The following CSMD1 variants were observed in gnomAD, a reference collection of about 807,000 sequenced individuals.
CSMD1 encodes the protein CUB and sushi domain-containing protein 1.
Under a neutral mutation model 417.5 loss-of-function variants are expected in CSMD1, and 213 were observed. That is an observed-to-expected ratio of 0.51 (90% CI 0.46 to 0.57). The LOEUF is 0.57. CSMD1 is among the 20% of genes least tolerant of loss of function. The pLI, the probability that CSMD1 is intolerant of heterozygous loss-of-function variation, is 0.00. For synonymous variants in CSMD1, 2,862 were observed against 1,736.8 expected (o/e 1.65, Z -16.11); for missense variants, 6,923 against 4,529.7 (o/e 1.53, Z -15.17).
intron 2 of CSMD1, among the ~76,000 whole-genome samples, chr8:4,443,226 T>A (rs1234840278): frequency 6.6e-6 from 1 of 152,192 alleles, no homozygotes; most frequent in Non-Finnish European, 1.5e-5. Context: ...TATTTGTAAT[T>A]AATGTGTTTT....
chr8:4,388,966 A>G (rs1407297063), intron 3 of CSMD1, among the ~76,000 whole-genome samples: 1 of 152,142 alleles, frequency 6.6e-6, no homozygotes, highest in Non-Finnish European at 1.5e-5. Context: ...CTCTTACCTC[A>G]CACACTTGTA....
At chr8:4,692,321 CA>C (rs1395215060) in intron 1 of CSMD1, among the ~76,000 whole-genome samples, 1 of 151,746 alleles carries the variant, frequency 6.6e-6, no homozygotes. Context: ...AATTTAAAAA[CA>C]AAAAAAGAAT....
chr8:4,018,387 G>T (rs1170071858), intron 4 of CSMD1, among the ~76,000 whole-genome samples: 1 of 152,002 alleles, frequency 6.6e-6, no homozygotes, highest in African/African-American at 2.4e-5. Context: ...TTTCTCTCTT[G>T]GCAACTTCCT....
chr8:4,602,969 C>G (rs1375453013), intron 2 of CSMD1, among the ~76,000 whole-genome samples: 1 of 151,824 alleles, frequency 6.6e-6, no homozygotes, highest in Non-Finnish European at 1.5e-5. Context: ...AGAAGATATT[C>G]AGACTATTTG....
intron 37 of CSMD1, among the ~76,000 whole-genome samples, chr8:3,166,977 C>T (rs972992141): frequency 6.6e-6 from 1 of 152,084 alleles, no homozygotes; most frequent in Non-Finnish European, 1.5e-5. Flanking sequence ...TGGGGTGAAG[C>T]AATGCTTCTT....
intron 3 of CSMD1, among the ~76,000 whole-genome samples, chr8:4,285,337 A>G (rs1239362802): frequency 2.6e-5 from 4 of 152,174 alleles, no homozygotes; most frequent in Non-Finnish European, 5.9e-5. Flanking sequence ...TTTATATTTC[A>G]TTTAGAACTC....
chr8:4,511,618 G>A (rs1403407773), intron 2 of CSMD1, among the ~76,000 whole-genome samples: 1 of 152,098 alleles, frequency 6.6e-6, no homozygotes, highest in Admixed American at 6.6e-5. Flanking sequence ...CACATACAGG[G>A]AACTACAGAA....
At chr8:4,624,072 C>A (rs17070856) in intron 2 of CSMD1, among the ~76,000 whole-genome samples, 1 of 151,952 alleles carries the variant, frequency 6.6e-6, no homozygotes, top group South Asian at 2.1e-4. Context: ...CTAGCTCTTG[C>A]GTAAAGAAAT....
At chr8:3,751,320 GTGTGTGTATA>G (rs1306968096) in intron 6 of CSMD1, among the ~76,000 whole-genome samples, 4 of 146,048 alleles carry the variant, frequency 2.7e-5, no homozygotes, top group African/African-American at 9.9e-5. Flanking sequence ...GTGTGTGTGT[GTGTGTGTATA>G]TATATATATA....
At chr8:4,634,634 C>T (rs1001984596) in intron 2 of CSMD1, among the ~76,000 whole-genome samples, 1 of 152,268 alleles carries the variant, frequency 6.6e-6, no homozygotes, top group East Asian at 1.9e-4. Context: ...CTAGAGCTGC[C>T]TTAAGGGTTG....
At chr8:4,159,422 G>T (rs772492198) in intron 3 of CSMD1, among the ~76,000 whole-genome samples, 1 of 152,122 alleles carries the variant, frequency 6.6e-6, no homozygotes, top group African/African-American at 2.4e-5. Context: ...TATGAAAAAG[G>T]TATTTGCACA....
intron 10 of CSMD1, among the ~76,000 whole-genome samples, chr8:3,567,474 TAAA>T (rs1426149281): frequency 1.5e-5 from 1 of 67,120 alleles, no homozygotes; most frequent in Admixed American, 2.2e-4. Flanking sequence ...AAAAAGTAAA[TAAA>T]AAACAACAAA....
chr8:4,916,375 G>C (rs1022048143), intron 1 of CSMD1, among the ~76,000 whole-genome samples: 4 of 152,128 alleles, frequency 2.6e-5, no homozygotes, highest in African/African-American at 7.2e-5. Context: ...AAAGTATTCT[G>C]GTTATAGATT....
chr8:4,529,850 T>G (rs1039211582), intron 2 of CSMD1, among the ~76,000 whole-genome samples: 3 of 151,610 alleles, frequency 2.0e-5, no homozygotes, highest in African/African-American at 7.3e-5. Flanking sequence ...TACCGTCAGG[T>G]TGCTGCCCAT....
At chr8:3,260,243 T>C (rs1340978907) in intron 26 of CSMD1, among the ~76,000 whole-genome samples, 4 of 152,140 alleles carry the variant, frequency 2.6e-5, no homozygotes, top group South Asian at 2.1e-4. Flanking sequence ...GGTTATCATT[T>C]TCTCAAAGTT....
intron 2 of CSMD1, among the ~76,000 whole-genome samples, chr8:4,556,038 A>C (rs934733112): frequency 1.5e-4 from 23 of 152,242 alleles, no homozygotes; most frequent in Admixed American, 1.5e-3. Context: ...TCAATGAATT[A>C]AATAAAATAT....
chr8:4,320,898 T>C (rs538335813), intron 3 of CSMD1, among the ~76,000 whole-genome samples: 1 of 152,182 alleles, frequency 6.6e-6, no homozygotes, highest in Non-Finnish European at 1.5e-5. Context: ...TGTTTTGTTT[T>C]TCACTTATAG....
intron 1 of CSMD1, among the ~76,000 whole-genome samples, chr8:4,768,101 C>T (rs989941658): frequency 6.6e-6 from 1 of 152,036 alleles, no homozygotes; most frequent in Non-Finnish European, 1.5e-5. Flanking sequence ...GTTATGTGTT[C>T]TCTCATAACT....
chr8:4,708,238 C>G (rs1040532641), intron 1 of CSMD1, among the ~76,000 whole-genome samples: 26 of 152,300 alleles, frequency 1.7e-4, no homozygotes, highest in South Asian at 8.3e-4. Context: ...GCATGAGCCA[C>G]TGCATCTGGC....
Sources: gnomAD v4.1 joint callset for allele counts (sites outside exome capture counted in the v4.1 genomes callset) on GRCh38, gnomAD v4.1.1 for gene constraint, MANE v1.5 for transcripts, NCBI Gene and HGNC (gene_info 2026-07-23, HGNC 2026-07-21) for gene names.